Variants in EMB observed in about 807,000 individuals in gnomAD.
EMB encodes embigin homolog.
A neutral mutation model predicts 41.4 loss-of-function variants in EMB; 31 were observed. The ratio of observed to expected loss-of-function variants is 0.75; its 90% CI spans 0.56 to 1.01. EMB has a LOEUF of 1.01. Among genes scored for constraint, EMB ranks in the 50% least tolerant of loss-of-function variants. The probability of loss-of-function intolerance (pLI) is 0.00; values close to 1 mark genes in which losing one functional copy is unlikely to be tolerated. For missense variants in EMB, 379 were observed against 388.3 expected (o/e 0.98, Z 0.20); for synonymous variants, 137 against 140.4 (o/e 0.98, Z 0.17).
chr5:50,399,807 A>G lies in EMB; in HGVS notation c.966+52T>C, dbSNP rs777680835. 3.9e-5 allele frequency: 54 copies of G among 1,384,092 alleles called. No individual in the cohort carries two copies. The Admixed American group carries it at 7.2e-4, about 19-fold the overall frequency. 85.7% of individuals were successfully genotyped at this position (1,384,092 alleles called of 1,614,324 possible). A position where few individuals can be genotyped will look rare whatever the true frequency, so the allele number is the denominator to read the frequency against. ...AAAGTAACTGATTGATAGATAGCCT[A>G]TGTATATTGAATTTGACCTTTTATT... On this transcript the variant is annotated intron_variant, in intron 8 of 8. Coordinates refer to ENST00000303221, the MANE Select transcript of EMB (RefSeq NM_198449.3).
chr5:50,416,676 CA>C (rs1325468629), intron 2 of EMB, among the ~76,000 whole-genome samples: 2 of 152,100 alleles, frequency 1.3e-5, no homozygotes, highest in Non-Finnish European at 2.9e-5. Flanking sequence ...ATAGAAAATA[CA>C]GAGCCCTATC....
At chr5:50,417,717 T>C (rs1196017598) in intron 2 of EMB, among the ~76,000 whole-genome samples, 2 of 152,184 alleles carry the variant, frequency 1.3e-5, no homozygotes, top group Non-Finnish European at 2.9e-5. Flanking sequence ...CTATGAACTA[T>C]GTGGCTGGTG....
chr5:50,406,040 C>T (rs112444663), intron 4 of EMB, among the ~76,000 whole-genome samples, 188 bp from the exon 5 acceptor site: 6 of 151,744 alleles, frequency 4.0e-5, no homozygotes, highest in African/African-American at 1.2e-4. Context: ...TAGATAGATT[C>T]GATATAATTG....
intron 2 of EMB, among the ~76,000 whole-genome samples, chr5:50,425,729 G>A (rs1238263318): frequency 7.2e-6 from 1 of 138,578 alleles, no homozygotes; most frequent in Non-Finnish European, 1.5e-5. Flanking sequence ...CAGGGGAGAT[G>A]GACTCTTGCA....
At chr5:50,410,489 G>A (rs1489795098) in intron 4 of EMB, among the ~76,000 whole-genome samples, 1 of 152,026 alleles carries the variant, frequency 6.6e-6, no homozygotes, top group Non-Finnish European at 1.5e-5. Flanking sequence ...CCCATGTCCT[G>A]GAGCTATGGA....
chr5:50,436,639 C>T (rs952508795), intron 1 of EMB, among the ~76,000 whole-genome samples: 13 of 152,308 alleles, frequency 8.5e-5, no homozygotes, highest in African/African-American at 2.2e-4. Context: ...TCAAGCTGCC[C>T]GCTGCAGGAG....
At chr5:50,426,127 A>G (rs1312475062) in intron 2 of EMB, among the ~76,000 whole-genome samples, 1 of 152,238 alleles carries the variant, frequency 6.6e-6, no homozygotes, top group East Asian at 1.9e-4. Flanking sequence ...GTTAAAAGAA[A>G]CAAGTAACTG....
At position 50,441,142 on chromosome 5, in the gene EMB, G is replaced by A. The variant is rs1745904537; in HGVS notation, c.10C>T (p.Leu4Phe). ...GCCCTGGCCTCCAGCAGGCCGGGGA[G>A]GGCGCGCATGGCGCCAGAGGGTCCG... The part of the protein sequence containing the change: MRA[L>F]PGLLEARART... Residue 4 changes from leucine (L) to phenylalanine (F), a missense_variant, in exon 1 of 9, where the codon CTC becomes TTC. Coordinates refer to ENST00000303221, the MANE Select transcript of EMB (RefSeq NM_198449.3). 2 of 1,500,218 alleles carry A rather than the reference G, an allele frequency of 1.3e-6. No homozygotes were observed. The highest frequency in any genetic ancestry group is 1.3e-5 in the South Asian group (1 of 79,956). The allele number at this position is 1,500,218 out of a possible 1,614,324, so 92.9% of individuals were successfully genotyped here.
chr5:50,411,884 C>G, intron 2 of EMB: 1 of 152,068 alleles, frequency 6.6e-6, no homozygotes, highest in East Asian at 1.9e-4. Flanking sequence ...CATTCCTAGT[C>G]TTCTTCAGAA....
At chr5:50,404,347 TG>T (rs888209161) in intron 5 of EMB, among the ~76,000 whole-genome samples, 3 of 151,956 alleles carry the variant, frequency 2.0e-5, no homozygotes, top group Admixed American at 1.3e-4. Context: ...TGGTACAGAT[TG>T]GTCAGAGCTA....
Position 50,403,454 on chromosome 5 carries a change from C to T in EMB, c.601G>A (p.Val201Ile), listed in dbSNP as rs1421572531. The change falls in exon 6 of 9, where the codon GTT becomes ATT. Residue 201 changes from valine to isoleucine, a missense_variant and splice_region_variant. By Grantham distance (29) the Val-to-Ile change is conservative. Transcript: ENST00000303221. ...TWYSSNGSVKVPVGVQMNKYV... is the reference protein window; with the variant it reads ...TWYSSNGSVKIPVGVQMNKYV... ...TTATTCATTTGAACACCAACAGGAA[C>T]CTAATATGAGGAGACATTAAAATCC... is the stretch of plus-strand genomic sequence containing the variant. 6.2e-7 allele frequency: 1 copy of T among 1,611,470 alleles called. No homozygotes were observed. Among genetic ancestry groups the T allele is most frequent in the African/African-American group, 1.3e-5 (1 of 74,704 alleles).
chr5:50,398,140 C>T lies in EMB; in HGVS notation c.*1133G>A, dbSNP rs1193258937. Reference sequence around the variant, plus strand: ...TTTGAGCAGTGGGACACTTCATGGTCATTTATGTTATCTAGTATCTTGTGG... The same window carrying T: ...TTTGAGCAGTGGGACACTTCATGGTTATTTATGTTATCTAGTATCTTGTGG... On this transcript the variant is annotated 3_prime_UTR_variant, in exon 9 of 9. Transcript: ENST00000303221. 6.6e-6 allele frequency: 1 copy of T among 151,020 alleles called. No homozygotes were observed. Among genetic ancestry groups the T allele is most frequent in the South Asian group, 2.1e-4 (1 of 4,766 alleles). The allele number at this position is 151,020 out of a possible 1,614,324, so 9.4% of individuals were successfully genotyped here.
At chr5:50,403,605 C>A (rs1465456220) in intron 5 of EMB, 151 bp from the exon 6 acceptor site, 8 of 820,880 alleles carry the variant, frequency 9.7e-6, no homozygotes, top group Non-Finnish European at 1.5e-5. Context: ...CTATAACAGA[C>A]TTAAGTCTTA....
intron 2 of EMB, among the ~76,000 whole-genome samples, chr5:50,420,149 C>A (rs1579733290): frequency 6.6e-6 from 1 of 151,992 alleles, no homozygotes; most frequent in South Asian, 2.1e-4. Context: ...ATGTAACAAA[C>A]CTGTACATCC....
At chr5:50,434,993 T>C (rs1201296422) in intron 1 of EMB, among the ~76,000 whole-genome samples, 1 of 152,204 alleles carries the variant, frequency 6.6e-6, no homozygotes, top group Non-Finnish European at 1.5e-5. Flanking sequence ...ACAAATAGCC[T>C]CAACACATGT....
At chr5:50,420,951 A>G (rs528562563) in intron 2 of EMB, among the ~76,000 whole-genome samples, 1 of 152,320 alleles carries the variant, frequency 6.6e-6, no homozygotes, top group South Asian at 2.1e-4. Context: ...ATTGGCCAAA[A>G]CAAATTTGTT....
chr5:50,418,320 A>G (rs1224296402), intron 2 of EMB, among the ~76,000 whole-genome samples: 3 of 152,228 alleles, frequency 2.0e-5, no homozygotes, highest in Non-Finnish European at 4.4e-5. Flanking sequence ...ATATTTTTGG[A>G]CAACCAGAAT....
In EMB at chr5:50,396,272, G is replaced by A. The variant is rs986860700; in HGVS notation, c.*3001C>T. The A allele has an allele frequency of 2.0e-5, 3 of 151,934 alleles. No homozygotes were observed. The highest frequency in any genetic ancestry group is 2.1e-4 in the South Asian group (1 of 4,822). The allele number at this position is 151,934 out of a possible 1,614,324, so 9.4% of individuals were successfully genotyped here. A position where few individuals can be genotyped will look rare whatever the true frequency, so the allele number is the denominator to read the frequency against. ...GTCACAATTTAGATTCTTTTTCTAA[G>A]AATAAGCAGAAATTTACAAAATTTA... is the stretch of plus-strand genomic sequence containing the variant. On this transcript the variant is annotated 3_prime_UTR_variant, in exon 9 of 9. Coordinates refer to ENST00000303221, the MANE Select transcript of EMB (RefSeq NM_198449.3).
At chr5:50,433,026 T>G (rs1025994682) in intron 1 of EMB, among the ~76,000 whole-genome samples, 1 of 151,786 alleles carries the variant, frequency 6.6e-6, no homozygotes, top group African/African-American at 2.4e-5. Flanking sequence ...TGCAGTGAGC[T>G]GAGATCGCAT....
Sources: gnomAD v4.1 joint callset for allele counts (sites outside exome capture counted in the v4.1 genomes callset) on GRCh38, gnomAD v4.1.1 for gene constraint, MANE v1.5 for transcripts, NCBI Gene and HGNC (gene_info 2026-07-23, HGNC 2026-07-21) for gene names.